Variants in ARSG observed in about 807,000 individuals in gnomAD.
ARSG encodes the protein arylsulfatase G, also known as ASG.
In ARSG, 37 loss-of-function variants were observed where a neutral mutation model predicts 50.5. That is an observed-to-expected ratio of 0.73 (90% CI 0.56 to 0.96). The LOEUF is 0.96. ARSG is among the 50% of genes least tolerant of loss of function. The pLI is 0.00. For synonymous variants in ARSG, 225 were observed against 254.6 expected, an observed-to-expected ratio of 0.88 and a Z score of 1.11; for missense variants, 629 against 675.3, an observed-to-expected ratio of 0.93 and a Z score of 0.76.
At chr17:68,278,161 CCATTAAGT>C in intron 1 of ARSG, 1 of 1,614,132 alleles carries the variant, frequency 6.2e-7, no homozygotes, top group Non-Finnish European at 8.5e-7. Context: ...TTAAAACTGT[CCATTAAGT>C]CATTAAAGAA....
downstream of ARSG, among the ~76,000 whole-genome samples, chr17:68,425,377 CTTTTCTTT>C (rs1422296490): frequency 4.3e-5 from 5 of 117,110 alleles, no homozygotes; most frequent in Non-Finnish European, 8.3e-5. Flanking sequence ...CTAATTTTTT[CTTTTCTTT>C]TTTTTTTTTT....
chr17:68,435,309 A>T, the ARSG span, among the ~76,000 whole-genome samples: 1 of 152,084 alleles, frequency 6.6e-6, no homozygotes, highest in African/African-American at 2.4e-5. Context: ...TTTGCACTGT[A>T]CTGTGTTTAT....
rs138453222 is a variant in ARSG, at chr17:68,314,796, T to C, written c.218+7085T>C. 5.4e-3 allele frequency among the ~76,000 whole-genome samples: 825 copies of C among 152,330 alleles called. 3 individuals are homozygous for C. Among genetic ancestry groups the C allele is most frequent in the African/African-American group, 0.019 (786 of 41,564 alleles). ...TAGGGTTCTATGTTAGCTATGGTTA[T>C]TTTTGTTATTGTTACTAGAAATGTC... On this transcript the variant is annotated intron_variant, in intron 2 of 11. Transcript: ENST00000621439.
At chr17:68,290,919 A>G (rs1599578442), upstream of ARSG, among the ~76,000 whole-genome samples, 1 of 29,568 alleles carries the variant, frequency 3.4e-5, no homozygotes, top group Non-Finnish European at 7.8e-5. Flanking sequence ...GGGCATTCCT[A>G]ACTGTCAGAG....
At chr17:68,391,780 T>A (rs1023042526) in intron 9 of ARSG, among the ~76,000 whole-genome samples, 30 of 152,360 alleles carry the variant, frequency 2.0e-4, no homozygotes, top group African/African-American at 7.0e-4. Context: ...CTGCGAGTGC[T>A]GACTCTGCAT....
chr17:68,331,209 CTTTCTTTCTTTCTTTCTTTCTTTG>C (rs879474936), intron 2 of ARSG, among the ~76,000 whole-genome samples: 2,416 of 40,586 alleles, frequency 0.06, 59 homozygotes, highest in African/African-American at 0.12. Context: ...TTCTTTCTTT[CTTTCTTTCTTTCTTTCTTTCTTTG>C]TTTCTTTCTT....
At chr17:68,365,403 C>T (rs1390130302) in intron 6 of ARSG, among the ~76,000 whole-genome samples, 2 of 152,076 alleles carry the variant, frequency 1.3e-5, no homozygotes, top group African/African-American at 4.8e-5. Context: ...CTGATTGTCC[C>T]CATTTTATAG....
intron 5 of ARSG, among the ~76,000 whole-genome samples, chr17:68,355,005 A>G (rs919447227): frequency 2.0e-5 from 3 of 152,196 alleles, no homozygotes; most frequent in Non-Finnish European, 4.4e-5. Context: ...CCTTCCCAGC[A>G]CTATTAGGAT....
chr17:68,407,441 T>C (rs1286165222), intron 11 of ARSG, among the ~76,000 whole-genome samples: 1 of 152,132 alleles, frequency 6.6e-6, no homozygotes, highest in African/African-American at 2.4e-5. Context: ...TTGTAGATTG[T>C]TTTTAGCAGT....
chr17:68,334,587 T>G (rs1398378899), intron 2 of ARSG, among the ~76,000 whole-genome samples: 1 of 152,018 alleles, frequency 6.6e-6, no homozygotes, highest in Non-Finnish European at 1.5e-5. Flanking sequence ...AGGCACTCCT[T>G]GGTTGGGCAA....
At chr17:68,422,856 TC>T (rs900470912), downstream of ARSG, 1 of 152,128 alleles carries the variant, frequency 6.6e-6, no homozygotes, top group Non-Finnish European at 1.5e-5. Context: ...GTTGGCTTGT[TC>T]CTGAAACAAA....
At chr17:68,353,998 G>C (rs989822264) in intron 5 of ARSG, among the ~76,000 whole-genome samples, 8 of 149,606 alleles carry the variant, frequency 5.3e-5, no homozygotes, top group African/African-American at 2.0e-4. Context: ...CACTGCACCT[G>C]GCCTTCTTTT....
At chr17:68,311,892 C>T (rs1055721485) in intron 2 of ARSG, among the ~76,000 whole-genome samples, 2 of 151,742 alleles carry the variant, frequency 1.3e-5, no homozygotes, top group Admixed American at 1.3e-4. Flanking sequence ...CCTCCACCTC[C>T]CAGGTTCAAG....
chr17:68,430,776 G>A, the ARSG span, among the ~76,000 whole-genome samples: 481 of 152,298 alleles, frequency 3.2e-3, 4 homozygotes, highest in African/African-American at 0.011. Flanking sequence ...CTGTTGGTGA[G>A]AGACAACCCC....
At chr17:68,296,989 C>A (rs1599606860) in intron 1 of ARSG, among the ~76,000 whole-genome samples, 1 of 152,220 alleles carries the variant, frequency 6.6e-6, no homozygotes, top group African/African-American at 2.4e-5. Flanking sequence ...GTTCATGTTA[C>A]ATGCACTCAT....
At chr17:68,436,327 A>G in the ARSG span, 6 of 1,541,316 alleles carry the variant, frequency 3.9e-6, no homozygotes, top group Admixed American at 1.7e-5. Flanking sequence ...ATCTCCTTCC[A>G]TGACCACACA....
At chr17:68,443,187 T>C in the ARSG span, among the ~76,000 whole-genome samples, 4 of 152,210 alleles carry the variant, frequency 2.6e-5, no homozygotes, top group Non-Finnish European at 4.4e-5. Context: ...CTCAGCTCAC[T>C]GAAGCCTCCG....
At chr17:68,370,684 A>G (rs2079795132) in intron 8 of ARSG, among the ~76,000 whole-genome samples, 160 bp downstream of exon 8, 1 of 152,156 alleles carries the variant, frequency 6.6e-6, no homozygotes, top group South Asian at 2.1e-4. Flanking sequence ...GCACCCAGAC[A>G]AGAAGGAACA....
chr17:68,360,991 A>G (rs2079257604), intron 6 of ARSG, among the ~76,000 whole-genome samples: 1 of 151,892 alleles, frequency 6.6e-6, no homozygotes, highest in African/African-American at 2.4e-5. Context: ...CACCCAGCTA[A>G]TTTTTGTATT....
Sources: gnomAD v4.1 joint callset for allele counts (sites outside exome capture counted in the v4.1 genomes callset) on GRCh38, gnomAD v4.1.1 for gene constraint, MANE v1.5 for transcripts, NCBI Gene and HGNC (gene_info 2026-07-23, HGNC 2026-07-21) for gene names.